The following FARS2 variants were observed in gnomAD, a reference collection of about 807,000 sequenced individuals.
The protein encoded by FARS2 is phenylalanyl-tRNA synthetase 2, mitochondrial.
FARS2 carries 40 observed loss-of-function variants against 46.4 expected under a neutral mutation model. The observed-to-expected ratio is 0.86, with a 90% CI of 0.67 to 1.12. The LOEUF is 1.12. Ranked by LOEUF, FARS2 falls within the 50% of genes most tolerant of loss-of-function variation. FARS2 has a pLI of 0.00. For missense variants in FARS2, 513 were observed against 567.9 expected (o/e 0.90, Z 0.98); for synonymous variants, 234 against 214.9 (o/e 1.09, Z -0.78).
intron 5 of FARS2, among the ~76,000 whole-genome samples, chr6:5,583,617 A>G (rs1773454406): frequency 1.3e-5 from 2 of 152,222 alleles, no homozygotes; most frequent in African/African-American, 4.8e-5. Flanking sequence ...ACTTCCAGGT[A>G]CTGTTCTAAG....
rs57189455 is a variant in FARS2, at chr6:5,514,089, C to CATATATATAT, written c.905-31080_905-31071dup. Among the ~76,000 whole-genome samples the CATATATATAT allele has an allele frequency of 6.8e-3, 993 of 147,098 alleles. 18 individuals carry two copies. The highest frequency in any genetic ancestry group is 0.023 in the African/African-American group (907 of 39,718). On this transcript the variant is annotated intron_variant, in intron 4 of 6. Transcript: ENST00000274680. ...TAGAAAATTAACATAAAAATCTGGA[C>CATATATATAT]ATATATATATATATATATATGATAA...
intron 6 of FARS2, among the ~76,000 whole-genome samples, chr6:5,682,843 T>C (rs149814780): frequency 6.6e-6 from 1 of 152,284 alleles, no homozygotes; most frequent in East Asian, 1.9e-4. Context: ...TAAAGGAGTG[T>C]GTGGGGCAGA....
At chr6:5,283,857 G>C (rs1188106919) in intron 1 of FARS2, among the ~76,000 whole-genome samples, 2 of 151,982 alleles carry the variant, frequency 1.3e-5, no homozygotes, top group Admixed American at 1.3e-4. Flanking sequence ...CCTGTCTTCA[G>C]CTTTTACAAA....
intron 2 of FARS2, among the ~76,000 whole-genome samples, chr6:5,389,287 C>T (rs1760335764): frequency 6.6e-6 from 1 of 152,130 alleles, no homozygotes; most frequent in African/African-American, 2.4e-5. Context: ...TTGTTGAGTT[C>T]TCCAAGCTGC....
intron 6 of FARS2, among the ~76,000 whole-genome samples, chr6:5,686,230 T>C (rs1757189479): frequency 6.6e-6 from 1 of 152,148 alleles, no homozygotes. Context: ...ACTTTAAGTT[T>C]TAGGGTACAT....
In FARS2 at chr6:5,362,927, C is replaced by CTTT. The variant is rs55686418; in HGVS notation, c.-21-5608_-21-5606dup. ...ATCCTTTGCCCATTTTTCTTTCTTT[C>CTTT]TTTTTTTTTTTTTTTTTGACATGGA... On this transcript the variant is annotated intron_variant, in intron 1 of 6. Coordinates refer to ENST00000274680, the MANE Select transcript of FARS2 (RefSeq NM_006567.5). Among the ~76,000 whole-genome samples, 355 of 124,188 alleles carry CTTT rather than the reference C, an allele frequency of 2.9e-3. 5 individuals carry two copies. The highest frequency in any genetic ancestry group is 9.0e-3 in the East Asian group (38 of 4,226). The allele number at this position is 124,188 out of a possible 152,430, so 81.5% of individuals were successfully genotyped here.
intron 5 of FARS2, among the ~76,000 whole-genome samples, chr6:5,589,325 A>G (rs1773790489): frequency 1.3e-5 from 2 of 152,252 alleles, no homozygotes; most frequent in African/African-American, 4.8e-5. Flanking sequence ...GCCCCAAGAC[A>G]GCACTTGGCA....
At chr6:5,520,476 T>C (rs1040383041) in intron 4 of FARS2, among the ~76,000 whole-genome samples, 4 of 152,200 alleles carry the variant, frequency 2.6e-5, no homozygotes, top group African/African-American at 7.2e-5. Flanking sequence ...CTAAAAATTC[T>C]TATTAAGAAA....
intron 1 of FARS2, among the ~76,000 whole-genome samples, chr6:5,281,790 T>A (rs540249324): frequency 1.3e-5 from 2 of 152,348 alleles, no homozygotes; most frequent in African/African-American, 4.8e-5. Context: ...AATGCATAAT[T>A]GCCTTGTATT....
At chr6:5,422,078 T>C (rs893457387) in intron 3 of FARS2, among the ~76,000 whole-genome samples, 1 of 152,242 alleles carries the variant, frequency 6.6e-6, no homozygotes, top group Non-Finnish European at 1.5e-5. Context: ...TTCATATGGC[T>C]GGGGAGGCCT....
intron 2 of FARS2, among the ~76,000 whole-genome samples, chr6:5,395,319 G>A (rs1760837899): frequency 6.6e-6 from 1 of 152,106 alleles, no homozygotes; most frequent in Non-Finnish European, 1.5e-5. Flanking sequence ...TGAAAGTGCT[G>A]GGACTACAGG....
At chr6:5,379,120 G>C (rs898991303) in intron 2 of FARS2, among the ~76,000 whole-genome samples, 12 of 152,134 alleles carry the variant, frequency 7.9e-5, no homozygotes, top group African/African-American at 2.9e-4. Flanking sequence ...TGTGTGCCTG[G>C]TGTCTCCAGC....
chr6:5,290,214 G>A lies in FARS2; in HGVS notation c.-22+28554G>A, dbSNP rs79583955. ...CATTTTACCCCCATTTATCTGTTTT[G>A]TACCGACTACTATGGCAAGTGACTG... On this transcript the variant is annotated intron_variant, in intron 1 of 6. Coordinates refer to ENST00000274680, the MANE Select transcript of FARS2 (RefSeq NM_006567.5). 7.7e-3 allele frequency among the ~76,000 whole-genome samples: 1,167 copies of A among 152,140 alleles called. 48 individuals are homozygous for A. In the East Asian group the frequency reaches 0.12, roughly 16 times the overall value.
intron 3 of FARS2, among the ~76,000 whole-genome samples, chr6:5,430,225 C>T (rs904735445): frequency 2.0e-5 from 3 of 152,008 alleles, no homozygotes; most frequent in Admixed American, 6.6e-5. Context: ...GTCAAAATGC[C>T]CACTTTTTTC....
chr6:5,337,176 T>C (rs895033567), intron 1 of FARS2, among the ~76,000 whole-genome samples: 2 of 147,182 alleles, frequency 1.4e-5, no homozygotes, highest in African/African-American at 4.9e-5. Flanking sequence ...TGTGTAAATA[T>C]ATATGTAATA....
intron 6 of FARS2, among the ~76,000 whole-genome samples, chr6:5,614,799 A>C (rs1775383853): frequency 6.6e-6 from 1 of 152,172 alleles, no homozygotes; most frequent in Non-Finnish European, 1.5e-5. Flanking sequence ...AAATGACTGA[A>C]GTTCATCATC....
chr6:5,261,034 C>T (rs1021912573), upstream of FARS2: 11 of 891,190 alleles, frequency 1.2e-5, no homozygotes, highest in Non-Finnish European at 1.5e-5. Flanking sequence ...CGGGACCCAG[C>T]AGCCGCTCCA....
At chr6:5,667,330 C>T (rs932751392) in intron 6 of FARS2, among the ~76,000 whole-genome samples, 2 of 151,764 alleles carry the variant, frequency 1.3e-5, no homozygotes, top group Admixed American at 6.6e-5. Flanking sequence ...CCAGCCTGGC[C>T]AATATGGAGA....
chr6:5,306,991 C>T (rs1768753302), intron 1 of FARS2, among the ~76,000 whole-genome samples: 3 of 152,082 alleles, frequency 2.0e-5, no homozygotes, highest in Admixed American at 2.0e-4. Flanking sequence ...ACCCCTCCAA[C>T]AGAATGCAAA....
Sources: allele counts gnomAD v4.1 joint callset (sites outside exome capture counted in the v4.1 genomes callset), GRCh38; gene constraint gnomAD v4.1.1; transcripts MANE v1.5; gene names NCBI Gene and HGNC (gene_info 2026-07-23, HGNC 2026-07-21).